NCOR1: variants seen among roughly 807,000 people sequenced by gnomAD.
The protein encoded by NCOR1 is protein phosphatase 1, regulatory subunit 109.
NCOR1 carries 63 observed loss-of-function variants against 288.1 expected under a neutral mutation model. The ratio of observed to expected loss-of-function variants is 0.22; its 90% CI spans 0.18 to 0.27. The LOEUF is 0.27. Among genes scored for constraint, NCOR1 ranks in the 10% least tolerant of loss-of-function variants. NCOR1 has a pLI of 1.00. For missense variants in NCOR1, 2,397 were observed against 3,019.2 expected (o/e 0.79, Z 4.83); for synonymous variants, 1,007 against 1,065.9 (o/e 0.94, Z 1.08).
At chr17:16,070,554 T>C (rs945655777) in intron 30 of NCOR1, 29 bp from the exon 31 acceptor site, 4 of 1,597,568 alleles carry the variant, frequency 2.5e-6, no homozygotes, top group Non-Finnish European at 3.4e-6. Flanking sequence ...ACATTACAGG[T>C]AGCAAAGTCA....
intron 37 of NCOR1, 32 bp from the exon 38 acceptor site, chr17:16,058,631 A>C: frequency 1.3e-6 from 2 of 1,578,382 alleles, no homozygotes; most frequent in African/African-American, 1.4e-5. Context: ...TTTCAAAACT[A>C]ATCCCAGGAA....
chr17:16,032,461 G>A lies in NCOR1; in HGVS notation c.7158C>T (p.Asn2386=). 6.3e-7 allele frequency: 1 copy of A among 1,596,054 alleles called. No homozygotes were observed. Among genetic ancestry groups the A allele is most frequent in the Non-Finnish European group, 8.5e-7 (1 of 1,172,984 alleles). Residue 2386 remains asparagine, a synonymous_variant, in exon 46 of 46, where the codon AAC becomes AAT. Coordinates refer to ENST00000268712, the MANE Select transcript of NCOR1 (RefSeq NM_006311.4). Reference sequence around the variant, plus strand: ...TGCTGAGCATCCGCATAGTCAGAGGGTTATAAGGAAACTGAGTTGAGCCTG... The same window carrying A: ...TGCTGAGCATCCGCATAGTCAGAGGATTATAAGGAAACTGAGTTGAGCCTG... ...SSTGSTQFPY[N]PLTMRMLSST...
chr17:16,212,682 A>G (rs1395683324), intron 1 of NCOR1, among the ~76,000 whole-genome samples: 1 of 152,218 alleles, frequency 6.6e-6, no homozygotes, highest in Non-Finnish European at 1.5e-5. Context: ...ACACTCACCT[A>G]CATCAACCCC....
chr17:16,100,365 G>T (rs1414736798), intron 20 of NCOR1, among the ~76,000 whole-genome samples: 1 of 152,170 alleles, frequency 6.6e-6, no homozygotes, highest in Non-Finnish European at 1.5e-5. Flanking sequence ...AAACTGCAGG[G>T]AGCGGTGGCT....
rs766835741 is a variant in NCOR1 at position 16,080,399 on chromosome 17, A to C, written c.3400+9T>G. The C allele has an allele frequency of 3.1e-6, 5 of 1,601,602 alleles. No homozygotes were observed. In the Admixed American group the frequency reaches 8.6e-5, roughly 27 times the overall value. The stretch of plus-strand genomic sequence containing the variant: ...AAGTTTAACATTTCTGCCAACCAGC[A>C]TATTTTACCTCTGACTACACCTTCA... On this transcript the variant is annotated intron_variant, in intron 25 of 45. Transcript: ENST00000268712.
At chr17:16,177,495 G>T (rs1466342055) in intron 3 of NCOR1, among the ~76,000 whole-genome samples, 4 of 152,054 alleles carry the variant, frequency 2.6e-5, no homozygotes, top group Admixed American at 1.3e-4. Context: ...GGATAGTCTG[G>T]GTGGGTTCTC....
chr17:16,033,660 A>AG, intron 45 of NCOR1, among the ~76,000 whole-genome samples: 1 of 127,904 alleles, frequency 7.8e-6, no homozygotes, highest in East Asian at 2.0e-4. Context: ...CAGTTTTAAA[A>AG]GTCTGTTGCT....
intron 15 of NCOR1, among the ~76,000 whole-genome samples, chr17:16,124,782 C>T (rs2153180723): frequency 6.6e-6 from 1 of 152,066 alleles, no homozygotes; most frequent in East Asian, 1.9e-4. Context: ...ATGACGAAGT[C>T]AATAAAGCTG....
chr17:16,063,354 T>C (rs1359756171), intron 35 of NCOR1, among the ~76,000 whole-genome samples: 1 of 151,908 alleles, frequency 6.6e-6, no homozygotes, highest in Non-Finnish European at 1.5e-5. Flanking sequence ...TAATTTTTTA[T>C]ATATATATTT....
intron 1 of NCOR1, among the ~76,000 whole-genome samples, chr17:16,214,281 T>C (rs776342806): frequency 6.6e-6 from 1 of 152,212 alleles, no homozygotes; most frequent in Non-Finnish European, 1.5e-5. Context: ...TCTTCAGTTA[T>C]CCACAGGACA....
chr17:16,067,392 G>GA (rs886190802), intron 32 of NCOR1, among the ~76,000 whole-genome samples: 1 of 151,970 alleles, frequency 6.6e-6, no homozygotes, highest in Non-Finnish European at 1.5e-5. Context: ...TCAAAGGCTG[G>GA]AAAAAAAATC....
At chr17:16,118,172 A>C in intron 17 of NCOR1, 145 bp from the exon 18 acceptor site, 1 of 815,220 alleles carries the variant, frequency 1.2e-6, no homozygotes, top group Non-Finnish European at 1.9e-6. Flanking sequence ...ATACTTTGAT[A>C]CTTATAAAAA....
rs1971770665 is a variant in NCOR1, at chr17:16,029,638, T to C, written c.*2658A>G. 2 of 172,330 alleles carry C rather than the reference T, an allele frequency of 1.2e-5. No homozygotes were observed. The highest frequency in any genetic ancestry group is 1.2e-4 in the Admixed American group (2 of 17,270). 10.7% of individuals were successfully genotyped at this position (172,330 alleles called of 1,614,324 possible). ...AAATCTAAGTCTACAAAGAATATCA[T>C]GTTTTGGTTTGCAGTGAACCACAGT... On this transcript the variant is annotated 3_prime_UTR_variant, in exon 46 of 46. Coordinates refer to ENST00000268712, the MANE Select transcript of NCOR1 (RefSeq NM_006311.4).
At chr17:16,171,721 T>TA in intron 4 of NCOR1, 82 bp downstream of exon 4, 1 of 1,262,756 alleles carries the variant, frequency 7.9e-7, no homozygotes, top group Non-Finnish European at 1.0e-6. Context: ...TAACTGGACT[T>TA]TCTTTGAGGT....
At chr17:16,164,571 G>A (rs1043633905) in intron 5 of NCOR1, among the ~76,000 whole-genome samples, 4 of 151,908 alleles carry the variant, frequency 2.6e-5, no homozygotes, top group Non-Finnish European at 5.9e-5. Flanking sequence ...ACTCACATAA[G>A]CTGCCAGTAG....
chr17:16,143,079 T>G (rs780748286), intron 11 of NCOR1, among the ~76,000 whole-genome samples: 14 of 152,192 alleles, frequency 9.2e-5, no homozygotes, highest in Non-Finnish European at 1.6e-4. Flanking sequence ...GACAGATGAC[T>G]CTGATATCTA....
intron 3 of NCOR1, among the ~76,000 whole-genome samples, chr17:16,173,716 G>A (rs1599899225): frequency 6.6e-6 from 1 of 152,078 alleles, no homozygotes; most frequent in Admixed American, 6.6e-5. Flanking sequence ...GATCATCTGA[G>A]GTCAGGAGTT....
chr17:16,048,795 C>A, intron 41 of NCOR1, 50 bp downstream of exon 41: 2 of 1,506,690 alleles, frequency 1.3e-6, no homozygotes, highest in Non-Finnish European at 1.8e-6. Flanking sequence ...AATGTTAAAG[C>A]ATGAGCACCC....
chr17:16,123,496 T>C (rs1442967457), intron 15 of NCOR1, among the ~76,000 whole-genome samples: 2 of 152,172 alleles, frequency 1.3e-5, no homozygotes, highest in Admixed American at 1.3e-4. Context: ...AATAAACCAC[T>C]CCATCCATTC....
Sources: allele counts gnomAD v4.1 joint callset (sites outside exome capture counted in the v4.1 genomes callset), GRCh38; gene constraint gnomAD v4.1.1; transcripts MANE v1.5; gene names NCBI Gene and HGNC (gene_info 2026-07-23, HGNC 2026-07-21).